XRCC4: variants seen among roughly 807,000 people sequenced by gnomAD.
XRCC4 encodes DNA repair protein XRCC4.
In XRCC4, 28 loss-of-function variants were observed where a neutral mutation model predicts 39.1. The observed-to-expected ratio is 0.72, with a 90% CI of 0.53 to 0.98. The LOEUF (loss-of-function observed/expected upper bound fraction) is 0.98, where lower values mean the gene tolerates loss of function less well. Ranked by LOEUF, XRCC4 falls within the 50% of genes least tolerant of loss-of-function variation. The probability of loss-of-function intolerance (pLI) is 0.00; values close to 1 mark genes in which losing one functional copy is unlikely to be tolerated. For synonymous variants in XRCC4, 123 were observed against 126.4 expected, an observed-to-expected ratio of 0.97 and a Z score of 0.18; for missense variants, 350 against 376.4, an observed-to-expected ratio of 0.93 and a Z score of 0.58.
chr5:83,146,225 A>G (rs1405856232), intron 3 of XRCC4, among the ~76,000 whole-genome samples: 3 of 152,214 alleles, frequency 2.0e-5, no homozygotes, highest in African/African-American at 4.8e-5. Context: ...AAAGTAAGCA[A>G]AGGGCCAGTT....
At chr5:83,370,782 C>T in the XRCC4 span, among the ~76,000 whole-genome samples, 1 of 152,106 alleles carries the variant, frequency 6.6e-6, no homozygotes, top group African/African-American at 2.4e-5. Context: ...TCTGTAATAG[C>T]GAATTCTCTC....
At chr5:83,206,531 A>G (rs940675952) in intron 6 of XRCC4, among the ~76,000 whole-genome samples, 3 of 152,082 alleles carry the variant, frequency 2.0e-5, no homozygotes, top group Non-Finnish European at 2.9e-5. Context: ...ATAGGAGAGA[A>G]TAGGAGTTTC....
chr5:83,153,290 C>A (rs1454393585), intron 3 of XRCC4, among the ~76,000 whole-genome samples: 7 of 151,170 alleles, frequency 4.6e-5, no homozygotes, highest in Non-Finnish European at 8.8e-5. Context: ...CTCACTGCAA[C>A]CTCCGCCTCC....
intron 6 of XRCC4, among the ~76,000 whole-genome samples, chr5:83,247,157 T>G (rs1175023578): frequency 6.6e-6 from 1 of 152,164 alleles, no homozygotes; most frequent in East Asian, 1.9e-4. Flanking sequence ...TTAATACCAG[T>G]TGGAAAAAAC....
intron 6 of XRCC4, among the ~76,000 whole-genome samples, chr5:83,237,666 G>A (rs1752742217): frequency 6.6e-6 from 1 of 151,964 alleles, no homozygotes; most frequent in South Asian, 2.1e-4. Flanking sequence ...ATGTTCAGTA[G>A]TACAACAGAT....
chr5:83,156,665 T>G (rs1265635620), intron 3 of XRCC4, among the ~76,000 whole-genome samples: 2 of 152,132 alleles, frequency 1.3e-5, no homozygotes, highest in Non-Finnish European at 2.9e-5. Context: ...TATATTGCCT[T>G]AAATAGTTCA....
At chr5:83,220,061 A>G (rs1752021158) in intron 6 of XRCC4, among the ~76,000 whole-genome samples, 1 of 152,136 alleles carries the variant, frequency 6.6e-6, no homozygotes, top group Non-Finnish European at 1.5e-5. Flanking sequence ...CATGAGATCT[A>G]ACGACCCATG....
intron 7 of XRCC4, among the ~76,000 whole-genome samples, chr5:83,313,917 A>T (rs559743542): frequency 7.0e-6 from 1 of 143,722 alleles, no homozygotes; most frequent in Non-Finnish European, 1.5e-5. Flanking sequence ...TATAAGTTTT[A>T]TAAAGACAGT....
At chr5:83,240,776 T>G (rs1394720663) in intron 6 of XRCC4, among the ~76,000 whole-genome samples, 15 of 152,174 alleles carry the variant, frequency 9.9e-5, no homozygotes, top group Admixed American at 9.8e-4. Context: ...TTGGGAGTTC[T>G]AAAACTTACC....
intron 7 of XRCC4, among the ~76,000 whole-genome samples, chr5:83,272,501 G>A (rs1232274853): frequency 6.6e-6 from 1 of 152,056 alleles, no homozygotes; most frequent in Non-Finnish European, 1.5e-5. Context: ...ATGGTGGTTT[G>A]TCACACTCAT....
At chr5:83,093,012 T>C (rs1745500301) in intron 1 of XRCC4, among the ~76,000 whole-genome samples, 1 of 86,896 alleles carries the variant, frequency 1.2e-5, no homozygotes, top group Admixed American at 1.1e-4. Flanking sequence ...AGTAAATGAA[T>C]GGACACACAC....
At chr5:83,176,378 A>C (rs1749957870) in intron 3 of XRCC4, among the ~76,000 whole-genome samples, 1 of 152,180 alleles carries the variant, frequency 6.6e-6, no homozygotes, top group Non-Finnish European at 1.5e-5. Flanking sequence ...TTGATGACAG[A>C]TGAAGGTGCC....
the XRCC4 span, among the ~76,000 whole-genome samples, chr5:83,370,796 T>C: frequency 6.6e-6 from 1 of 152,124 alleles, no homozygotes; most frequent in South Asian, 2.1e-4. Flanking sequence ...TTCTCTCTAT[T>C]CCCACTAAAA....
chr5:83,316,333 T>A (rs1014349343), intron 7 of XRCC4, among the ~76,000 whole-genome samples: 3 of 152,006 alleles, frequency 2.0e-5, no homozygotes, highest in Non-Finnish European at 4.4e-5. Flanking sequence ...TAATGACAGG[T>A]TCAAATTCAC....
intron 3 of XRCC4, among the ~76,000 whole-genome samples, chr5:83,113,677 A>G (rs998809646): frequency 6.6e-6 from 1 of 151,474 alleles, no homozygotes; most frequent in Non-Finnish European, 1.5e-5. Context: ...TTGGAGTGCA[A>G]TGGCGTGATC....
chr5:83,311,591 G>A (rs2081858984), intron 7 of XRCC4, among the ~76,000 whole-genome samples: 1 of 151,940 alleles, frequency 6.6e-6, no homozygotes, highest in Admixed American at 6.6e-5. Context: ...TGGCAGAGAA[G>A]TATAATAATG....
intron 3 of XRCC4, among the ~76,000 whole-genome samples, chr5:83,130,853 T>C (rs1168731489): frequency 6.6e-6 from 1 of 152,180 alleles, no homozygotes; most frequent in Non-Finnish European, 1.5e-5. Flanking sequence ...ATTTGATTCT[T>C]CTCTCTTTTC....
chr5:83,355,805 T>A (rs1176898699), downstream of XRCC4, among the ~76,000 whole-genome samples: 1 of 152,046 alleles, frequency 6.6e-6, no homozygotes, highest in Non-Finnish European at 1.5e-5. Context: ...CCCGGCTAAT[T>A]TTTTGTATTT....
intron 1 of XRCC4, among the ~76,000 whole-genome samples, chr5:83,095,448 G>A (rs1281191795): frequency 6.6e-6 from 1 of 152,188 alleles, no homozygotes; most frequent in Non-Finnish European, 1.5e-5. Flanking sequence ...GGGTAGGAAA[G>A]TAGGCTTTGA....
Sources: allele counts gnomAD v4.1 joint callset (sites outside exome capture counted in the v4.1 genomes callset), GRCh38; gene constraint gnomAD v4.1.1; transcripts MANE v1.5; gene names NCBI Gene and HGNC (gene_info 2026-07-23, HGNC 2026-07-21).